The following DCUN1D2 variants were observed in gnomAD, a reference collection of about 807,000 sequenced individuals.
DCUN1D2 encodes the protein DCN1-like protein 2.
A neutral mutation model predicts 30.9 loss-of-function variants in DCUN1D2; 29 were observed. That is an observed-to-expected ratio of 0.94 (90% confidence interval 0.70 to 1.28). DCUN1D2 has a LOEUF of 1.28. Ranked by LOEUF, DCUN1D2 falls within the 50% of genes most tolerant of loss-of-function variation. DCUN1D2 has a pLI of 0.00. For missense variants in DCUN1D2, 325 were observed against 316.9 expected, an observed-to-expected ratio of 1.03 and a Z score of -0.19; for synonymous variants, 121 against 115.3, an observed-to-expected ratio of 1.05 and a Z score of -0.32.
chr13:113,463,320 G>A (rs891241619), intron 4 of DCUN1D2, among the ~76,000 whole-genome samples: 5 of 152,150 alleles, frequency 3.3e-5, no homozygotes, highest in African/African-American at 1.2e-4. Context: ...CAATGAAGAT[G>A]TGTCCTCTAT....
rs781150121 is a variant in DCUN1D2, at chr13:113,484,042, C to T, written c.18G>A (p.Ser6=). 8 of 1,613,754 alleles carry T rather than the reference C, an allele frequency of 5.0e-6. No homozygotes were observed. The highest frequency in any genetic ancestry group is 1.6e-4 in the Middle Eastern group (1 of 6,068). Residue 6 remains serine (S), a synonymous_variant, in exon 2 of 7, where the codon TCG becomes TCA. Transcript: ENST00000478244. MHKLK[S]SQKDKVRQFM... The stretch of plus-strand genomic sequence containing the variant: ...ACTGGCGGACCTTGTCCTTCTGAGA[C>T]GATTTAAGCTTATGCTTTGGGATGC...
chr13:113,462,659 C>A, intron 4 of DCUN1D2: 1 of 762,904 alleles, frequency 1.3e-6, no homozygotes. Flanking sequence ...GTTTTGAATA[C>A]CCTGGAGTCT....
chr13:113,461,238 G>A, intron 4 of DCUN1D2, 102 bp from the exon 5 acceptor site: 4 of 725,746 alleles, frequency 5.5e-6, no homozygotes, highest in Non-Finnish European at 9.1e-6. Flanking sequence ...TTAATAAAAT[G>A]TGGCAATCTC....
chr13:113,472,264 G>A (rs2044532295), intron 4 of DCUN1D2, among the ~76,000 whole-genome samples: 1 of 151,752 alleles, frequency 6.6e-6, no homozygotes, highest in Admixed American at 6.6e-5. Context: ...TCCTGACTGT[G>A]GTTTAGAAGC....
upstream of DCUN1D2, chr13:113,491,328 TCCCTCCCTGGGGCTC>T (rs1210291770): frequency 1.3e-5 from 2 of 152,188 alleles, no homozygotes; most frequent in Non-Finnish European, 2.9e-5. Context: ...CTTCCTTCCC[TCCCTCCCTGGGGCTC>T]CCCTCCCCTC....
At chr13:113,467,770 G>A (rs964188008) in intron 4 of DCUN1D2, among the ~76,000 whole-genome samples, 5 of 152,104 alleles carry the variant, frequency 3.3e-5, no homozygotes, top group African/African-American at 4.8e-5. Context: ...CGGGCCGGGC[G>A]CGGTGGCTCA....
chr13:113,459,430 A>G (rs780672192), intron 5 of DCUN1D2, 22 bp from the exon 6 acceptor site: 1 of 1,182,188 alleles, frequency 8.5e-7, no homozygotes. Context: ...GAGAAAAAAA[A>G]AACCCACCAG....
intron 2 of DCUN1D2, 52 bp downstream of exon 2, chr13:113,483,788 G>A (rs1566506479): frequency 7.0e-6 from 11 of 1,572,242 alleles, no homozygotes; most frequent in Non-Finnish European, 9.6e-6. Context: ...GCAGCGCGCA[G>A]GCCGCTCGCG....
At chr13:113,483,717 G>A in intron 2 of DCUN1D2, 123 bp downstream of exon 2, 1 of 887,742 alleles carries the variant, frequency 1.1e-6, no homozygotes, top group Non-Finnish European at 1.8e-6. Context: ...CGAGCGCTGA[G>A]CGTGGGGAGG....
At position 113,483,850 on chromosome 13, in the gene DCUN1D2, G is replaced by A. The variant is rs1443230824; in HGVS notation, c.210C>T (p.Gly70=). The A allele has an allele frequency of 2.5e-6, 4 of 1,612,362 alleles. No individual in the cohort carries two copies. Among genetic ancestry groups the A allele is most frequent in the Non-Finnish European group, 1.7e-6 (2 of 1,180,030 alleles). ...VDKKKLERLY[G]RYKDPQDENK... The stretch of plus-strand genomic sequence containing the variant: ...GCAGTCTCCTCTTACCTTTGTACCT[G>A]CCGTACAGCCGCTCCAGCTTCTTCT... Residue 70 remains glycine, a synonymous_variant, in exon 2 of 7, where the codon GGC becomes GGT. Coordinates refer to ENST00000478244, the MANE Select transcript of DCUN1D2 (RefSeq NM_001014283.2).
chr13:113,475,861 C>T (rs1322207984), intron 3 of DCUN1D2: 1 of 152,302 alleles, frequency 6.6e-6, no homozygotes, highest in African/African-American at 2.4e-5. Flanking sequence ...CCATTTCAGC[C>T]TCCTCTTCCC....
intron 1 of DCUN1D2, among the ~76,000 whole-genome samples, chr13:113,485,800 G>C (rs937407892): frequency 8.6e-5 from 13 of 152,034 alleles, no homozygotes; most frequent in African/African-American, 3.1e-4. Context: ...GGCCTTTCAG[G>C]AGTCCCACAG....
intron 4 of DCUN1D2, among the ~76,000 whole-genome samples, chr13:113,465,088 T>C (rs1218295828): frequency 6.6e-6 from 1 of 152,222 alleles, no homozygotes; most frequent in African/African-American, 2.4e-5. Context: ...TTAAAGGAAG[T>C]ATCCCCTGCA....
At chr13:113,464,307 T>A (rs1042593298) in intron 4 of DCUN1D2, among the ~76,000 whole-genome samples, 2 of 152,238 alleles carry the variant, frequency 1.3e-5, no homozygotes, top group Non-Finnish European at 2.9e-5. Flanking sequence ...GGATAAACTA[T>A]AAATCTGTTG....
intron 2 of DCUN1D2, 28 bp from the exon 3 acceptor site, chr13:113,480,771 G>GTTATACTATA: frequency 6.2e-7 from 1 of 1,610,664 alleles, no homozygotes; most frequent in South Asian, 1.1e-5. Flanking sequence ...GGAAAAGGAA[G>GTTATACTATA]TTATACTATT....
intron 1 of DCUN1D2, among the ~76,000 whole-genome samples, chr13:113,486,737 A>G (rs947704158): frequency 3.9e-5 from 6 of 152,198 alleles, no homozygotes; most frequent in Admixed American, 6.5e-5. Context: ...GGTTTCACAG[A>G]TGGCTTAAGC....
chr13:113,472,169 T>A (rs1185727675), intron 4 of DCUN1D2, among the ~76,000 whole-genome samples: 4 of 151,968 alleles, frequency 2.6e-5, no homozygotes, highest in African/African-American at 4.8e-5. Flanking sequence ...AACGCTATCC[T>A]CACCTGTGCC....
chr13:113,481,663 C>A (rs1323821943), intron 2 of DCUN1D2, among the ~76,000 whole-genome samples: 1 of 152,166 alleles, frequency 6.6e-6, no homozygotes, highest in Admixed American at 6.5e-5. Context: ...GCGGGTGGAT[C>A]ACCTGAGCTC....
rs183252839 is a variant in DCUN1D2, at chr13:113,456,288, C to A, written c.*1741G>T. 14 of 398,818 alleles carry A rather than the reference C, an allele frequency of 3.5e-5. No individual in the cohort carries two copies. Among genetic ancestry groups the A allele is most frequent in the African/African-American group, 2.1e-4 (10 of 48,762 alleles). 24.7% of individuals were successfully genotyped at this position (398,818 alleles called of 1,614,324 possible). A position where few individuals can be genotyped will look rare whatever the true frequency, so the allele number is the denominator to read the frequency against. Reference sequence around the variant, plus strand: ...GCGGGGGCCAGGCGGGGTCTGCAGGCTGCAGGTCCCTTCCAGTCCTGTCCC... The same window carrying A: ...GCGGGGGCCAGGCGGGGTCTGCAGGATGCAGGTCCCTTCCAGTCCTGTCCC... On this transcript the variant is annotated 3_prime_UTR_variant, in exon 7 of 7. Coordinates refer to ENST00000478244, the MANE Select transcript of DCUN1D2 (RefSeq NM_001014283.2).
Sources: allele counts gnomAD v4.1 joint callset (sites outside exome capture counted in the v4.1 genomes callset), GRCh38; gene constraint gnomAD v4.1.1; transcripts MANE v1.5; gene names NCBI Gene and HGNC (gene_info 2026-07-23, HGNC 2026-07-21).